The following SLC25A53 variants were observed in gnomAD, a reference collection of about 807,000 sequenced individuals.
SLC25A53 encodes mitochondrial carrier triple repeat protein 6.
SLC25A53 carries 5 observed loss-of-function variants against 15.0 expected under a neutral mutation model. The ratio of observed to expected loss-of-function variants is 0.33; its 90% confidence interval spans 0.17 to 0.70. The LOEUF is 0.70. Ranked by LOEUF, SLC25A53 falls within the 30% of genes least tolerant of loss-of-function variation. The pLI is 0.67. For missense variants in SLC25A53, 216 were observed against 241.6 expected, an observed-to-expected ratio of 0.89 and a Z score of 0.70; for synonymous variants, 95 against 100.0, an observed-to-expected ratio of 0.95 and a Z score of 0.30.
intron 1 of SLC25A53, among the ~76,000 whole-genome samples, chrX:104,146,806 TACAA>T: frequency 9.1e-6 from 1 of 109,971 alleles, no homozygotes. Context: ...TAAAAGAGGA[TACAA>T]ACAAATGGAA....
chrX:104,114,055 G>A (rs962753865), intron 1 of SLC25A53: 2 of 1,206,636 alleles, frequency 1.7e-6, no homozygotes, highest in African/African-American at 3.5e-5. Flanking sequence ...TGCAGATAAG[G>A]CTTTTCCAAA....
intron 1 of SLC25A53, among the ~76,000 whole-genome samples, chrX:104,156,107 T>A (rs1357910911): frequency 1.8e-5 from 2 of 110,044 alleles, no homozygotes; most frequent in Non-Finnish European, 3.8e-5. Flanking sequence ...ATACACTAAT[T>A]TTGGGCCTTA....
chrX:104,106,926 T>C (rs1482296128), intron 1 of SLC25A53, among the ~76,000 whole-genome samples: 1 of 101,229 alleles, frequency 9.9e-6, no homozygotes, highest in Non-Finnish European at 2.0e-5. Flanking sequence ...CCCATTCCTA[T>C]CCCCATTGCT....
chrX:104,131,303 T>C (rs1005059940), intron 1 of SLC25A53: 2 of 111,844 alleles, frequency 1.8e-5, no homozygotes, highest in Non-Finnish European at 3.8e-5. Flanking sequence ...ATTAATTCCC[T>C]GCATTCTTTC....
intron 1 of SLC25A53, among the ~76,000 whole-genome samples, chrX:104,132,146 C>T (rs957891200): frequency 2.7e-5 from 3 of 112,401 alleles, no homozygotes; most frequent in Non-Finnish European, 3.8e-5. Flanking sequence ...GATCTGTAAA[C>T]CATATAGAAA....
chrX:104,115,414 G>A, intron 1 of SLC25A53: 1 of 875,501 alleles, frequency 1.1e-6, no homozygotes, highest in Non-Finnish European at 1.6e-6. Context: ...CTAACTGCAT[G>A]AATTAATCCA....
intron 1 of SLC25A53, among the ~76,000 whole-genome samples, chrX:104,141,139 G>A (rs1602502474): frequency 9.0e-6 from 1 of 111,559 alleles, no homozygotes; most frequent in South Asian, 3.7e-4. Context: ...AGCTTGCAGC[G>A]ATCTAAGGAG....
At chrX:104,114,283 A>G in intron 1 of SLC25A53, 1 of 1,210,816 alleles carries the variant, frequency 8.3e-7, no homozygotes, top group Non-Finnish European at 1.1e-6. Flanking sequence ...AGCCCAGGGG[A>G]AAGAAACCTT....
intron 1 of SLC25A53, among the ~76,000 whole-genome samples, 193 bp downstream of exon 1, chrX:104,156,685 C>G (rs893112760): frequency 9.1e-6 from 1 of 110,211 alleles, no homozygotes; most frequent in Non-Finnish European, 1.9e-5. Context: ...TCAACACACA[C>G]AACACAGTTG....
intron 1 of SLC25A53, among the ~76,000 whole-genome samples, chrX:104,108,250 G>T (rs1362744749): frequency 9.0e-5 from 10 of 111,653 alleles, no homozygotes; most frequent in Admixed American, 2.9e-4. Flanking sequence ...CCTTGGAAAA[G>T]ACATTTCATT....
chrX:104,145,499 C>CA (rs782374397), intron 1 of SLC25A53, among the ~76,000 whole-genome samples: 9 of 111,149 alleles, frequency 8.1e-5, no homozygotes, highest in South Asian at 3.8e-4. Flanking sequence ...AAAACCCCTT[C>CA]AAAAAAATCA....
intron 1 of SLC25A53, among the ~76,000 whole-genome samples, chrX:104,124,912 G>A (rs1403002153): frequency 2.3e-5 from 2 of 86,583 alleles, no homozygotes; most frequent in African/African-American, 9.0e-5. Flanking sequence ...GCGTGATCTT[G>A]GCTCACTGCA....
In SLC25A53 at chrX:104,104,492, G is replaced by A; in HGVS notation, c.766C>T (p.Gln256Ter). The change falls in exon 2 of 2, where the codon CAG becomes TAG. Residue 256 changes from glutamine (Q) to a stop codon, truncating the protein, a stop_gained. Coordinates refer to ENST00000594199, the MANE Select transcript of SLC25A53 (RefSeq NM_001012755.5). LOFTEE classifies it high-confidence loss of function. ...QNMPSLWASAQDVWNTRGRKL... is the reference protein window; with the variant it reads ...QNMPSLWASA The stretch of plus-strand genomic sequence containing the variant: ...CGGCCCCGAGTGTTCCATACATCCT[G>A]GGCAGAGGCCCACAGGCTTGGCATG... 1.7e-6 allele frequency: 2 copies of A among 1,211,906 alleles called. No individual in the cohort carries two copies. Among genetic ancestry groups the A allele is most frequent in the Non-Finnish European group, 1.1e-6 (1 of 895,550 alleles).
chrX:104,156,081 A>G (rs1276327945), intron 1 of SLC25A53, among the ~76,000 whole-genome samples: 1 of 106,132 alleles, frequency 9.4e-6, no homozygotes, highest in African/African-American at 3.6e-5. Context: ...AAAGAAAGAA[A>G]GAAAAAAAAA....
chrX:104,153,748 G>A (rs1384257707), intron 1 of SLC25A53, among the ~76,000 whole-genome samples: 1 of 112,301 alleles, frequency 8.9e-6, no homozygotes, highest in African/African-American at 3.2e-5. Context: ...AAGTCACTGT[G>A]ACAAGTACAA....
At chrX:104,123,962 C>T (rs782268280) in intron 1 of SLC25A53, among the ~76,000 whole-genome samples, 13 of 111,755 alleles carry the variant, frequency 1.2e-4, no homozygotes, top group Non-Finnish European at 2.1e-4. Flanking sequence ...CAGTCTATCA[C>T]TGATGAGCAT....
chrX:104,101,228 C>A lies in SLC25A53; in HGVS notation c.*3106G>T, dbSNP rs186099417. 2 of 112,518 alleles carry A rather than the reference C, an allele frequency of 1.8e-5. No homozygotes were observed. The highest frequency in any genetic ancestry group is 3.8e-5 in the Non-Finnish European group (2 of 53,297). The allele number at this position is 112,518 out of a possible 1,213,427, so 9.3% of individuals were successfully genotyped here. On this transcript the variant is annotated 3_prime_UTR_variant, in exon 2 of 2. Transcript: ENST00000594199. ...CTTCTGTGCCCTCCCTGGGTCACCA[C>A]CCTCCAGGAACCTCCACATGTTCAG...
intron 1 of SLC25A53, among the ~76,000 whole-genome samples, chrX:104,151,195 A>G (rs1432536933): frequency 9.0e-6 from 1 of 111,531 alleles, no homozygotes; most frequent in Non-Finnish European, 1.9e-5. Flanking sequence ...GGTTATTCCA[A>G]TAACAATGGC....
At chrX:104,126,416 G>A (rs2075411045) in intron 1 of SLC25A53, among the ~76,000 whole-genome samples, 1 of 111,692 alleles carries the variant, frequency 9.0e-6, no homozygotes, top group African/African-American at 3.3e-5. Context: ...CACTTTGGGA[G>A]GCTAAGGTGA....
Sources: allele counts gnomAD v4.1 joint callset (sites outside exome capture counted in the v4.1 genomes callset), GRCh38; gene constraint gnomAD v4.1.1; transcripts MANE v1.5; gene names NCBI Gene and HGNC (gene_info 2026-07-23, HGNC 2026-07-21).